Variants in ABCA8 observed in about 807,000 individuals in gnomAD.
The protein encoded by ABCA8 is ATP binding cassette subfamily A member 8.
Under a neutral mutation model 192.3 loss-of-function variants are expected in ABCA8, and 177 were observed. That is an observed-to-expected ratio of 0.92 (90% CI 0.81 to 1.04). The LOEUF (loss-of-function observed/expected upper bound fraction) is 1.04, where lower values mean the gene tolerates loss of function less well. ABCA8 is among the 50% of genes least tolerant of loss of function. The pLI is 0.00. For missense variants in ABCA8, 1,915 were observed against 1,904.8 expected, an observed-to-expected ratio of 1.01 and a Z score of -0.10; for synonymous variants, 642 against 690.2, an observed-to-expected ratio of 0.93 and a Z score of 1.09.
chr17:68,954,545 T>C (rs2041321), intron 1 of ABCA8, among the ~76,000 whole-genome samples: 69,853 of 152,008 alleles, frequency 0.46, 16,685 homozygotes, highest in East Asian at 0.68. Flanking sequence ...TATCCTCTTA[T>C]ACTGTTGTAA....
chr17:68,939,348 G>C (rs1276030036), intron 4 of ABCA8, among the ~76,000 whole-genome samples: 1 of 151,898 alleles, frequency 6.6e-6, no homozygotes, highest in African/African-American at 2.4e-5. Context: ...CCCTTCCTCT[G>C]CTCACATATC....
At chr17:68,925,607 T>A (rs1190458495) in intron 10 of ABCA8, among the ~76,000 whole-genome samples, 1 of 152,204 alleles carries the variant, frequency 6.6e-6, no homozygotes, top group African/African-American at 2.4e-5. Flanking sequence ...ACTGTAAGGT[T>A]ATGGGTTTTC....
intron 37 of ABCA8, 29 bp downstream of exon 37, chr17:68,875,231 A>T: frequency 6.2e-7 from 1 of 1,612,206 alleles, no homozygotes; most frequent in Non-Finnish European, 8.5e-7. Context: ...AACATTTGGT[A>T]CCATTTCCAA....
At chr17:68,872,980 T>C (rs761938454) in intron 37 of ABCA8, among the ~76,000 whole-genome samples, 3 of 152,200 alleles carry the variant, frequency 2.0e-5, no homozygotes, top group Non-Finnish European at 4.4e-5. Context: ...CTAAGGTTAA[T>C]TTATTAAATA....
intron 21 of ABCA8, among the ~76,000 whole-genome samples, chr17:68,901,719 A>G (rs993057945): frequency 9.9e-5 from 15 of 151,750 alleles, no homozygotes; most frequent in Non-Finnish European, 4.4e-5. Context: ...GACGCAGGAG[A>G]ATCGCTTGAA....
In ABCA8 at chr17:68,922,236, T is replaced by TAA; in HGVS notation, c.1501+5_1501+6insTT. 4 of 452,832 alleles carry TAA rather than the reference T, an allele frequency of 8.8e-6. No individual in the cohort carries two copies. The highest frequency in any genetic ancestry group is 1.3e-5 in the Non-Finnish European group (4 of 308,230). 28.1% of individuals were successfully genotyped at this position (452,832 alleles called of 1,614,324 possible). A position where few individuals can be genotyped will look rare whatever the true frequency, so the allele number is the denominator to read the frequency against. On this transcript the variant is annotated splice_donor_region_variant and intron_variant, in intron 12 of 39. Coordinates refer to ENST00000586539, the MANE Select transcript of ABCA8 (RefSeq NM_001288985.2). ...TTTTTTTTTTTTTTTTTTTTTTTTT[T>TAA]TTTACCTTTCAAGGCTTCTATTTTA... is the stretch of plus-strand genomic sequence containing the variant.
At chr17:68,951,014 C>A (rs893802980) in intron 1 of ABCA8, among the ~76,000 whole-genome samples, 12 of 152,016 alleles carry the variant, frequency 7.9e-5, no homozygotes, top group African/African-American at 2.9e-4. Context: ...CCTGGCCTAG[C>A]CTACTGCGGA....
In ABCA8 at chr17:68,868,160, C is replaced by G; in HGVS notation, c.4791G>C (p.Glu1597Asp). 1 of 1,613,132 alleles carries G rather than the reference C, an allele frequency of 6.2e-7. No individual in the cohort carries two copies. The highest frequency in any genetic ancestry group is 1.1e-5 in the South Asian group (1 of 90,972). Residue 1597 changes from glutamate (E) to aspartate (D), a missense_variant, in exon 40 of 40, where the codon GAG becomes GAC. Transcript: ENST00000586539. ...CCTCCTCAAAATCACCCAGCTCCTG[C>G]TCCTTGGAGAGCTCCAGGAAAACCT... ...LEQVFLELSK[E>D]QELGDFEEDF...
intron 19 of ABCA8, among the ~76,000 whole-genome samples, chr17:68,903,862 C>A (rs572988544): frequency 6.6e-6 from 1 of 152,204 alleles, no homozygotes; most frequent in African/African-American, 2.4e-5. Flanking sequence ...AAATGGCAAG[C>A]TACAAACTGG....
intron 1 of ABCA8, among the ~76,000 whole-genome samples, chr17:68,951,707 G>GATA (rs10670855): frequency 0.15 from 16,308 of 110,558 alleles, 2,814 homozygotes; most frequent in African/African-American, 0.45. Flanking sequence ...TTCTATTTCT[G>GATA]ATAATATGGA....
At chr17:68,873,308 G>T (rs1274937812) in intron 37 of ABCA8, among the ~76,000 whole-genome samples, 1 of 152,154 alleles carries the variant, frequency 6.6e-6, no homozygotes, top group East Asian at 1.9e-4. Context: ...ATACCATATA[G>T]CCTAGGTTTG....
chr17:68,945,272 C>T (rs1251330954), intron 2 of ABCA8, among the ~76,000 whole-genome samples: 1 of 151,870 alleles, frequency 6.6e-6, no homozygotes, highest in African/African-American at 2.4e-5. Context: ...AGAATTTGAG[C>T]GTCGTCTTAT....
At chr17:68,941,494 T>C (rs2068229042) in intron 3 of ABCA8, among the ~76,000 whole-genome samples, 1 of 152,186 alleles carries the variant, frequency 6.6e-6, no homozygotes, top group African/African-American at 2.4e-5. Flanking sequence ...CTTCTTGGAA[T>C]TTAATACAAT....
chr17:68,887,952 A>G (rs2066529799), intron 24 of ABCA8, among the ~76,000 whole-genome samples: 1 of 89,522 alleles, frequency 1.1e-5, no homozygotes, highest in Admixed American at 1.4e-4. Context: ...TATTATATAT[A>G]TGGATATATA....
At chr17:68,899,017 TA>T (rs1403440943) in intron 21 of ABCA8, among the ~76,000 whole-genome samples, 1 of 152,056 alleles carries the variant, frequency 6.6e-6, no homozygotes, top group Non-Finnish European at 1.5e-5. Flanking sequence ...TAAATCTGTG[TA>T]AACTTTAAGT....
rs572436359 is a variant in ABCA8 at position 68,917,380 on chromosome 17, C to G, written c.2119G>C (p.Gly707Arg). ...GSSLFLKKKWGIGYHLSLQLN... is the reference protein window; with the variant it reads ...GSSLFLKKKWRIGYHLSLQLN... ...CCTTACCTTAAGTGATATCCAATCC[C>G]CCATTTCTTCTTTAGAAACAAAGAA... is the stretch of plus-strand genomic sequence containing the variant. The change falls in exon 17 of 40, where the codon GGG becomes CGG. Residue 707 changes from glycine to arginine, a missense_variant. Coordinates refer to ENST00000586539, the MANE Select transcript of ABCA8 (RefSeq NM_001288985.2). 4 of 1,610,920 alleles carry G rather than the reference C, an allele frequency of 2.5e-6. No individual in the cohort carries two copies. Among genetic ancestry groups the G allele is most frequent in the Admixed American group, 1.7e-5 (1 of 59,844 alleles).
intron 39 of ABCA8, 49 bp downstream of exon 39, chr17:68,868,252 T>C (rs755588865): frequency 1.7e-5 from 28 of 1,607,660 alleles, no homozygotes; most frequent in East Asian, 1.3e-4. Context: ...CCAGGGAATG[T>C]TTTATACACA....
At chr17:68,950,961 T>C (rs1001566678) in intron 1 of ABCA8, among the ~76,000 whole-genome samples, 22 of 152,230 alleles carry the variant, frequency 1.4e-4, no homozygotes, top group African/African-American at 5.3e-4. Context: ...ACCTTGAGTG[T>C]ATCTGCTTGT....
At chr17:68,944,325 T>C (rs56379552) in intron 2 of ABCA8, among the ~76,000 whole-genome samples, 1 of 49,350 alleles carries the variant, frequency 2.0e-5, no homozygotes, top group South Asian at 9.9e-4. Flanking sequence ...GTTATATATA[T>C]ATATATATAT....
Sources: gnomAD v4.1 joint callset for allele counts (sites outside exome capture counted in the v4.1 genomes callset) on GRCh38, gnomAD v4.1.1 for gene constraint, MANE v1.5 for transcripts, NCBI Gene and HGNC (gene_info 2026-07-23, HGNC 2026-07-21) for gene names.